Variants in PLCG2 observed in about 807,000 individuals in gnomAD.
PLCG2 encodes phospholipase C gamma 2, also known as 1-phosphatidylinositol 4,5-bisphosphate phosphodiesterase gamma-2.
PLCG2 carries 69 observed loss-of-function variants against 175.6 expected under a neutral mutation model. That is an observed-to-expected ratio of 0.39 (90% CI 0.32 to 0.48). PLCG2 has a LOEUF of 0.48. Ranked by LOEUF, PLCG2 falls within the 20% of genes least tolerant of loss-of-function variation. The probability of loss-of-function intolerance (pLI) is 0.91; values close to 1 mark genes in which losing one functional copy is unlikely to be tolerated. For synonymous variants in PLCG2, 827 were observed against 624.0 expected (o/e 1.33, Z -4.85); for missense variants, 1,798 against 1,650.9 (o/e 1.09, Z -1.54).
chr16:81,957,678 A>G (rs569822022), intron 32 of PLCG2, among the ~76,000 whole-genome samples: 1 of 152,220 alleles, frequency 6.6e-6, no homozygotes, highest in Admixed American at 6.5e-5. Flanking sequence ...GTAGCCACCA[A>G]CGAGAAACTG....
At position 81,936,387 on chromosome 16, in the gene PLCG2, C is replaced by T. The variant is rs202214266; in HGVS notation, c.3052+9C>T. On this transcript the variant is annotated intron_variant, in intron 27 of 32. Coordinates refer to ENST00000564138, the MANE Select transcript of PLCG2 (RefSeq NM_002661.5). ...CAATTTCCAGACGGCAGGTAAAGGC[C>T]GACTGAAGGTAGTCCCGTCCCTGCA... The T allele has an allele frequency of 5.4e-5, 87 of 1,611,416 alleles. No individual in the cohort carries two copies. Among genetic ancestry groups the T allele is most frequent in the Non-Finnish European group, 7.1e-5 (84 of 1,178,598 alleles).
At chr16:81,766,135 A>G (rs998134230) in intron 2 of PLCG2, among the ~76,000 whole-genome samples, 2 of 152,136 alleles carry the variant, frequency 1.3e-5, no homozygotes, top group African/African-American at 4.8e-5. Flanking sequence ...TTTTGTCAAC[A>G]TGGGCACTGT....
In PLCG2 at chr16:81,900,769, A is replaced by T. The variant is rs1424969556; in HGVS notation, c.1351A>T (p.Ile451Phe). The change falls in exon 14 of 33, where the codon ATC (isoleucine) becomes TTC (phenylalanine). Residue 451 changes from isoleucine to phenylalanine, a missense_variant. Physicochemically the swap from Ile to Phe is conservative, Grantham distance 21. Transcript: ENST00000564138. ...LPSPSQLREKIIIKHKKLGPR... is the reference protein window; with the variant it reads ...LPSPSQLREKFIIKHKKLGPR... Reference sequence around the variant, plus strand: ...CTCGCCCAGCCAGCTGCGGGAGAAGATCATCATCAAGGTAGGCACCCCGGG... The same window carrying T: ...CTCGCCCAGCCAGCTGCGGGAGAAGTTCATCATCAAGGTAGGCACCCCGGG... 2 of 1,599,782 alleles carry T rather than the reference A, an allele frequency of 1.3e-6. No individual in the cohort carries two copies. Among genetic ancestry groups the T allele is most frequent in the Non-Finnish European group, 8.6e-7 (1 of 1,168,062 alleles).
At position 81,873,998 on chromosome 16, in the gene PLCG2, G is replaced by A. The variant is rs138903395; in HGVS notation, c.648+3063G>A. Among the ~76,000 whole-genome samples, 48 of 152,172 alleles carry A rather than the reference G, an allele frequency of 3.2e-4. No homozygotes were observed. In the East Asian group the frequency reaches 8.7e-3, roughly 28 times the overall value. ...TTACAAAATGTCAGAACCCTCTGGGGTGCCCTAGATTGCCCCGTGTGGAAC... is the reference window on the plus strand; with the variant it reads ...TTACAAAATGTCAGAACCCTCTGGGATGCCCTAGATTGCCCCGTGTGGAAC... On this transcript the variant is annotated intron_variant, in intron 7 of 32. Coordinates refer to ENST00000564138, the MANE Select transcript of PLCG2 (RefSeq NM_002661.5).
chr16:81,846,432 G>A (rs952459600), intron 2 of PLCG2, among the ~76,000 whole-genome samples: 1 of 152,204 alleles, frequency 6.6e-6, no homozygotes, highest in Non-Finnish European at 1.5e-5. Flanking sequence ...TCCTGACTCA[G>A]GCTCAACTTC....
At chr16:81,943,827 A>G (rs563105890) in intron 30 of PLCG2, among the ~76,000 whole-genome samples, 11 of 152,338 alleles carry the variant, frequency 7.2e-5, no homozygotes, top group African/African-American at 2.6e-4. Flanking sequence ...ATATTCAATG[A>G]GAGCAATGTC....
intron 2 of PLCG2, among the ~76,000 whole-genome samples, chr16:81,787,941 G>A (rs1393653330): frequency 6.6e-6 from 1 of 152,194 alleles, no homozygotes; most frequent in Non-Finnish European, 1.5e-5. Flanking sequence ...CGTTGTATGG[G>A]TATTCCACAG....
chr16:81,774,335 A>C (rs113550547), upstream of PLCG2, among the ~76,000 whole-genome samples: 2,406 of 151,844 alleles, frequency 0.016, 56 homozygotes, highest in African/African-American at 0.049. Flanking sequence ...GGGCAGTAAA[A>C]AAAACAAAAC....
chr16:81,828,775 C>G lies in PLCG2; in HGVS notation c.194-25669C>G, dbSNP rs910616021. 7.9e-5 allele frequency among the ~76,000 whole-genome samples: 12 copies of G among 152,304 alleles called. No individual in the cohort carries two copies. The South Asian group carries it at 1.0e-3, about 13-fold the overall frequency. On this transcript the variant is annotated intron_variant, in intron 2 of 32. Transcript: ENST00000564138. ...GATGATTGAACAATGTGGCATTTTC[C>G]TGAGTGCCTGGTGAAGTCGGGTACA...
At chr16:81,772,655 CAA>C (rs34085438) in intron 2 of PLCG2, among the ~76,000 whole-genome samples, 47,434 of 139,906 alleles carry the variant, frequency 0.34, 8,033 homozygotes, top group Non-Finnish European at 0.38. Context: ...ACTAAAAATA[CAA>C]AAAAAAAAAA....
In PLCG2 at chr16:81,768,262, G is replaced by A. The variant is rs1003225987; in HGVS notation, c.-48+12296G>A. 3.9e-5 allele frequency among the ~76,000 whole-genome samples: 6 copies of A among 152,154 alleles called. No homozygotes were observed. The East Asian group carries it at 5.8e-4, about 15-fold the overall frequency. On this transcript the variant is annotated intron_variant, in intron 2 of 5. Transcript: ENST00000565054. ...GTATCAATAATTACTTTTTATAGCCGAGTGCTACTTCACTGTATGAATGTT... is the reference window on the plus strand; with the variant it reads ...GTATCAATAATTACTTTTTATAGCCAAGTGCTACTTCACTGTATGAATGTT...
intron 32 of PLCG2, among the ~76,000 whole-genome samples, chr16:81,957,549 G>T (rs1238697722): frequency 6.6e-6 from 1 of 152,154 alleles, no homozygotes; most frequent in African/African-American, 2.4e-5. Flanking sequence ...TCCCCCAACA[G>T]GGATGCTTGT....
intron 2 of PLCG2, among the ~76,000 whole-genome samples, chr16:81,822,528 G>A (rs553436115): frequency 5.2e-4 from 79 of 152,178 alleles, no homozygotes; most frequent in African/African-American, 1.5e-3. Context: ...AGGCCGAGGC[G>A]GGTGGATCAC....
chr16:81,797,814 G>T (rs926372310), intron 2 of PLCG2, among the ~76,000 whole-genome samples: 1 of 151,596 alleles, frequency 6.6e-6, no homozygotes, highest in Admixed American at 6.6e-5. Flanking sequence ...GCCTCTTTGA[G>T]TCTCAGTTTT....
intron 29 of PLCG2, 77 bp from the exon 30 acceptor site, chr16:81,939,815 C>T (rs1910865105): frequency 2.1e-6 from 2 of 941,270 alleles, no homozygotes; most frequent in Admixed American, 1.9e-5. Flanking sequence ...GGATTCACAG[C>T]TGAAGGATGC....
chr16:81,914,420 A>C (rs62044878), intron 19 of PLCG2, among the ~76,000 whole-genome samples: 21,696 of 152,184 alleles, frequency 0.14, 2,003 homozygotes, highest in African/African-American at 0.26. Flanking sequence ...CTGACAGGCC[A>C]TCTGGGGATG....
rs1910369873 is a variant in PLCG2 at position 81,928,500 on chromosome 16, G to GTTTTC, written c.2515-53_2515-49dup. The GTTTTC allele has an allele frequency of 3.5e-6, 4 of 1,135,070 alleles. 1 individual carries two copies. In the East Asian group the frequency reaches 9.4e-5, roughly 27 times the overall value. The allele number at this position is 1,135,070 out of a possible 1,614,324, so 70.3% of individuals were successfully genotyped here. On this transcript the variant is annotated intron_variant, in intron 23 of 32. Coordinates refer to ENST00000564138, the MANE Select transcript of PLCG2 (RefSeq NM_002661.5). ...GCTAAACGGTGTGCTTTGGAAACGG[G>GTTTTC]TTTTCTTTTTATTATTCCCGTTACA...
chr16:81,885,633 T>TA (rs397762589), intron 9 of PLCG2, among the ~76,000 whole-genome samples: 29 of 150,942 alleles, frequency 1.9e-4, no homozygotes, highest in South Asian at 6.4e-4. Context: ...ACTTTTTTTT[T>TA]TAAAATATAG....
chr16:81,928,948 C>T, intron 24 of PLCG2: 1 of 284,836 alleles, frequency 3.5e-6, no homozygotes, highest in Non-Finnish European at 6.7e-6. Context: ...GAAAGCTGAG[C>T]TGTCAGCCTG....
Sources: allele counts gnomAD v4.1 joint callset (sites outside exome capture counted in the v4.1 genomes callset), GRCh38; gene constraint gnomAD v4.1.1; transcripts MANE v1.5; gene names NCBI Gene and HGNC (gene_info 2026-07-23, HGNC 2026-07-21).